Variants in PRPF39 observed in about 807,000 individuals in gnomAD.
The protein encoded by PRPF39 is pre-mRNA processing factor 39, also known as pre-mRNA-processing factor 39.
A neutral mutation model predicts 82.1 loss-of-function variants in PRPF39; 27 were observed. The ratio of observed to expected loss-of-function variants is 0.33; its 90% CI spans 0.24 to 0.45. The LOEUF is 0.45. Among genes scored for constraint, PRPF39 ranks in the 20% least tolerant of loss-of-function variants. The probability of loss-of-function intolerance (pLI) is 1.00; values close to 1 mark genes in which losing one functional copy is unlikely to be tolerated. For missense variants in PRPF39, 581 were observed against 796.9 expected (o/e 0.73, Z 3.26); for synonymous variants, 261 against 256.4 (o/e 1.02, Z -0.17).
intron 3 of PRPF39, chr14:45,096,568 T>C: frequency 7.0e-7 from 1 of 1,436,224 alleles, no homozygotes; most frequent in South Asian, 1.2e-5. Flanking sequence ...TAGTCACATT[T>C]GCTACGTCTT....
Position 45,095,237 on chromosome 14 carries a change from A to G in PRPF39, c.-3A>G. On this transcript the variant is annotated 5_prime_UTR_variant, in exon 2 of 14. Transcript: ENST00000355765. ...TTTCCACAGATCGTTAACTGAAGACAATATGCAAAATTCTCACATGGATGA... is the reference window on the plus strand; with the variant it reads ...TTTCCACAGATCGTTAACTGAAGACGATATGCAAAATTCTCACATGGATGA... 1.3e-6 allele frequency: 2 copies of G among 1,575,372 alleles called. No individual in the cohort carries two copies. Among genetic ancestry groups the G allele is most frequent in the Non-Finnish European group, 1.7e-6 (2 of 1,153,304 alleles).
chr14:45,086,322 T>A (rs1459126000), intron 1 of PRPF39, among the ~76,000 whole-genome samples: 2 of 152,226 alleles, frequency 1.3e-5, no homozygotes, highest in Non-Finnish European at 2.9e-5. Context: ...GGCATAATTG[T>A]CACTGAAATA....
At chr14:45,100,895 T>G (rs1884354314) in intron 4 of PRPF39, among the ~76,000 whole-genome samples, 1 of 152,208 alleles carries the variant, frequency 6.6e-6, no homozygotes, top group Non-Finnish European at 1.5e-5. Context: ...CTGTATTTTG[T>G]TCTAACTTTT....
At chr14:45,106,768 A>C (rs1325770652) in intron 5 of PRPF39, among the ~76,000 whole-genome samples, 2 of 152,152 alleles carry the variant, frequency 1.3e-5, no homozygotes, top group Admixed American at 1.3e-4. Context: ...CCAAATGGAG[A>C]GTGGAATACT....
chr14:45,107,746 T>G, intron 6 of PRPF39, 130 bp downstream of exon 6: 2 of 847,000 alleles, frequency 2.4e-6, no homozygotes, highest in South Asian at 1.8e-5. Flanking sequence ...GTAGGCAACA[T>G]GGTGAAACCC....
chr14:45,087,669 GT>G (rs1317520962), intron 1 of PRPF39, among the ~76,000 whole-genome samples: 1 of 151,788 alleles, frequency 6.6e-6, no homozygotes, highest in African/African-American at 2.4e-5. Flanking sequence ...CGCCTCCTGG[GT>G]TCACACCATT....
chr14:45,114,609 T>A lies in PRPF39; in HGVS notation c.1948T>A (p.Tyr650Asn), dbSNP rs1884785509. 1 of 1,609,224 alleles carries A rather than the reference T, an allele frequency of 6.2e-7. No individual in the cohort carries two copies. Among genetic ancestry groups the A allele is most frequent in the Non-Finnish European group, 8.5e-7 (1 of 1,178,242 alleles). The change falls in exon 13 of 14, where the codon TAT (tyrosine) becomes AAT (asparagine). Residue 650 changes from tyrosine (Y) to asparagine (N), a missense_variant. Physicochemically the swap from Tyr to Asn is moderately radical, Grantham distance 143. Transcript: ENST00000355765. ...NQAVYNYSAW[Y>N]QYNYQNPWNY... The stretch of plus-strand genomic sequence containing the variant: ...AGCTGTATATAATTATAGTGCGTGG[T>A]ATCAAGTGAGTCTGCATAATTATAA...
At chr14:45,088,161 T>C (rs946990555) in intron 1 of PRPF39, 1 of 155,202 alleles carries the variant, frequency 6.4e-6, no homozygotes, top group Non-Finnish European at 1.4e-5. Flanking sequence ...AAAAGAATGC[T>C]GTTGGGGCAT....
At chr14:45,113,451 A>G (rs1884752039) in intron 11 of PRPF39, among the ~76,000 whole-genome samples, 1 of 152,188 alleles carries the variant, frequency 6.6e-6, no homozygotes, top group African/African-American at 2.4e-5. Context: ...TCATGTAGCT[A>G]TTATCACATT....
At position 45,105,525 on chromosome 14, in the gene PRPF39, CTTTTTTTT is replaced by C. The variant is rs201816309; in HGVS notation, c.738-1914_738-1907del. Among the ~76,000 whole-genome samples the C allele has an allele frequency of 3.7e-5, 5 of 133,446 alleles. No individual in the cohort carries two copies. In the East Asian group the frequency reaches 8.5e-4, roughly 23 times the overall value. The allele number at this position is 133,446 out of a possible 152,430, so 87.5% of individuals were successfully genotyped here. A position where few individuals can be genotyped will look rare whatever the true frequency, so the allele number is the denominator to read the frequency against. On this transcript the variant is annotated intron_variant, in intron 5 of 13. Transcript: ENST00000355765. Reference sequence around the variant, plus strand: ...ATTAGATTCCAATGTTATTTATATACTTTTTTTTTTTTTTTTTTTGAGGTGAAATCTCG... The same window carrying C: ...ATTAGATTCCAATGTTATTTATATACTTTTTTTTTTTGAGGTGAAATCTCG...
At position 45,115,499 on chromosome 14, in the gene PRPF39, G is replaced by T. The variant is rs1479428484; in HGVS notation, c.*586G>T. On this transcript the variant is annotated 3_prime_UTR_variant, in exon 14 of 14. Coordinates refer to ENST00000355765, the MANE Select transcript of PRPF39 (RefSeq NM_017922.4). ...TCATATCAAAAGTATGTTGTTTCAG[G>T]AGACTTTGTATTTAGAATATTCATG... 3 of 152,552 alleles carry T rather than the reference G, an allele frequency of 2.0e-5. No homozygotes were observed. The highest frequency in any genetic ancestry group is 1.9e-4 in the East Asian group (1 of 5,172). 9.4% of individuals were successfully genotyped at this position (152,552 alleles called of 1,614,324 possible).
intron 1 of PRPF39, among the ~76,000 whole-genome samples, chr14:45,094,809 T>C (rs867797724): frequency 1.0e-3 from 153 of 152,338 alleles, no homozygotes; most frequent in African/African-American, 3.2e-3. Flanking sequence ...AGTTTTACTT[T>C]TAGCCTCCAG....
chr14:45,084,469 A>G (rs901823305), intron 1 of PRPF39, among the ~76,000 whole-genome samples: 8 of 151,936 alleles, frequency 5.3e-5, no homozygotes, highest in African/African-American at 1.9e-4. Flanking sequence ...CAAACGTTTC[A>G]CTTGAGGGGT....
chr14:45,089,660 C>T (rs970673210), intron 1 of PRPF39, among the ~76,000 whole-genome samples: 5 of 152,182 alleles, frequency 3.3e-5, no homozygotes, highest in Non-Finnish European at 7.3e-5. Context: ...GCCTACTTGG[C>T]CTCCCAAAGT....
At chr14:45,114,830 G>A in intron 13 of PRPF39, 27 bp from the exon 14 acceptor site, 1 of 1,554,262 alleles carries the variant, frequency 6.4e-7, no homozygotes, top group South Asian at 1.1e-5. Flanking sequence ...GTTCTAATAT[G>A]CTAACATACT....
chr14:45,089,060 C>T (rs1219157089), intron 1 of PRPF39, among the ~76,000 whole-genome samples: 1 of 152,156 alleles, frequency 6.6e-6, no homozygotes, highest in East Asian at 1.9e-4. Context: ...CCTTTTCACT[C>T]CACTGATTGT....
intron 1 of PRPF39, among the ~76,000 whole-genome samples, chr14:45,091,888 T>C (rs557981879): frequency 6.6e-6 from 1 of 152,326 alleles, no homozygotes; most frequent in African/African-American, 2.4e-5. Context: ...AACTTGTATA[T>C]TGATAGTAGT....
chr14:45,108,339 T>TA (rs35179536), intron 6 of PRPF39, 76 bp from the exon 7 acceptor site: 54 of 1,407,262 alleles, frequency 3.8e-5, no homozygotes, highest in Non-Finnish European at 4.9e-5. Flanking sequence ...GAATAATACT[T>TA]AAATATAAGC....
intron 10 of PRPF39, among the ~76,000 whole-genome samples, chr14:45,111,946 T>C (rs1884710771): frequency 6.6e-6 from 1 of 152,158 alleles, no homozygotes; most frequent in South Asian, 2.1e-4. Context: ...TTAAGATGTT[T>C]ATCTATAGTT....
Sources: gnomAD v4.1 joint callset for allele counts (sites outside exome capture counted in the v4.1 genomes callset) on GRCh38, gnomAD v4.1.1 for gene constraint, MANE v1.5 for transcripts, NCBI Gene and HGNC (gene_info 2026-07-23, HGNC 2026-07-21) for gene names.